The following P4HA1 variants were observed in gnomAD, a reference collection of about 807,000 sequenced individuals.
P4HA1 encodes prolyl 4-hydroxylase subunit alpha-1.
In P4HA1, 24 loss-of-function variants were observed where a neutral mutation model predicts 72.8. The observed-to-expected ratio is 0.33, with a 90% CI of 0.24 to 0.46. The LOEUF (loss-of-function observed/expected upper bound fraction) is 0.46, where lower values mean the gene tolerates loss of function less well. Ranked by LOEUF, P4HA1 falls within the 20% of genes least tolerant of loss-of-function variation. P4HA1 has a pLI of 1.00. For synonymous variants in P4HA1, 201 were observed against 218.8 expected (o/e 0.92, Z 0.72); for missense variants, 446 against 640.6 (o/e 0.70, Z 3.28).
intron 5 of P4HA1, among the ~76,000 whole-genome samples, chr10:73,055,536 C>T (rs1841121655): frequency 6.6e-6 from 1 of 152,102 alleles, no homozygotes; most frequent in Admixed American, 6.6e-5. Flanking sequence ...ATATTTTTCC[C>T]ATTCTGTGTG....
At chr10:73,031,147 C>T (rs552325738) in intron 9 of P4HA1, among the ~76,000 whole-genome samples, 24 of 152,028 alleles carry the variant, frequency 1.6e-4, no homozygotes, top group South Asian at 4.1e-4. Context: ...ATACATAAAA[C>T]GTGATAGATC....
intron 10 of P4HA1, among the ~76,000 whole-genome samples, chr10:73,017,488 A>T (rs894853166): frequency 6.6e-6 from 1 of 152,080 alleles, no homozygotes; most frequent in African/African-American, 2.4e-5. Flanking sequence ...GCTAATTTTT[A>T]AAAATTTAAT....
intron 10 of P4HA1, among the ~76,000 whole-genome samples, chr10:73,026,208 C>G (rs1474962483): frequency 6.6e-6 from 1 of 152,170 alleles, no homozygotes; most frequent in Non-Finnish European, 1.5e-5. Context: ...TCAAACTATA[C>G]TACAAGGCTA....
chr10:73,081,624 G>A (rs1319926382), intron 1 of P4HA1, among the ~76,000 whole-genome samples: 1 of 152,128 alleles, frequency 6.6e-6, no homozygotes, highest in Non-Finnish European at 1.5e-5. Context: ...TCAAACCTGG[G>A]AACAGATCTT....
chr10:73,053,882 C>G (rs1324648083), intron 5 of P4HA1, among the ~76,000 whole-genome samples: 1 of 151,986 alleles, frequency 6.6e-6, no homozygotes, highest in East Asian at 1.9e-4. Context: ...TATACTATTT[C>G]CTAACAGTAG....
chr10:73,021,555 T>A (rs1044100406), intron 10 of P4HA1, among the ~76,000 whole-genome samples: 1 of 152,176 alleles, frequency 6.6e-6, no homozygotes, highest in Non-Finnish European at 1.5e-5. Context: ...AAGCCCAGCA[T>A]AGACAAATAT....
chr10:73,028,539 C>G (rs1389558687), intron 10 of P4HA1, among the ~76,000 whole-genome samples: 1 of 152,108 alleles, frequency 6.6e-6, no homozygotes, highest in African/African-American at 2.4e-5. Flanking sequence ...TCAAGCAATT[C>G]TCCTACCTCA....
At chr10:73,032,773 C>T (rs867488709) in intron 9 of P4HA1, among the ~76,000 whole-genome samples, 2 of 152,160 alleles carry the variant, frequency 1.3e-5, no homozygotes, top group South Asian at 2.1e-4. Flanking sequence ...AGGAAGCGAG[C>T]AAGCGTAAGA....
intron 9 of P4HA1, among the ~76,000 whole-genome samples, chr10:73,036,458 G>A (rs1320670460): frequency 6.6e-6 from 1 of 151,790 alleles, no homozygotes; most frequent in African/African-American, 2.4e-5. Context: ...GTGCAATGAC[G>A]CTATCTCGAC....
chr10:73,066,527 T>C (rs1472536105), intron 5 of P4HA1, among the ~76,000 whole-genome samples: 1 of 152,174 alleles, frequency 6.6e-6, no homozygotes, highest in Non-Finnish European at 1.5e-5. Flanking sequence ...TTTTGCTTTT[T>C]GTTTTTTGAG....
chr10:73,069,095 G>A, intron 4 of P4HA1, 112 bp from the exon 5 acceptor site: 1 of 787,410 alleles, frequency 1.3e-6, no homozygotes. Context: ...ACCACACCAT[G>A]AAAAGTTCTA....
rs2133096641 is a variant in P4HA1 at position 73,050,998 on chromosome 10, TACAA to T, written c.900+51_900+54del. On this transcript the variant is annotated intron_variant, in intron 7 of 14. Transcript: ENST00000394890. ...ATAACTGATTCTCTCCAGAACTGTG[TACAA>T]ACACATACACACACACATTCACATA... 2.4e-6 allele frequency: 3 copies of T among 1,248,874 alleles called. No homozygotes were observed. In the East Asian group the frequency reaches 7.0e-5, roughly 29 times the overall value. The allele number at this position is 1,248,874 out of a possible 1,614,324, so 77.4% of individuals were successfully genotyped here. A position where few individuals can be genotyped will look rare whatever the true frequency, so the allele number is the denominator to read the frequency against.
intron 9 of P4HA1, among the ~76,000 whole-genome samples, chr10:73,031,065 T>C (rs1305027928): frequency 1.8e-5 from 2 of 110,224 alleles, no homozygotes; most frequent in Non-Finnish European, 3.4e-5. Flanking sequence ...TTGTACAGAA[T>C]TTTTTATGGC....
intron 9 of P4HA1, among the ~76,000 whole-genome samples, chr10:73,030,871 T>C (rs939531118): frequency 1.3e-5 from 2 of 152,000 alleles, no homozygotes; most frequent in Non-Finnish European, 2.9e-5. Context: ...CAATAACAGG[T>C]GTTGGTAAGG....
chr10:73,008,933 C>T (rs1277695435), intron 14 of P4HA1, among the ~76,000 whole-genome samples: 1 of 151,980 alleles, frequency 6.6e-6, no homozygotes, highest in African/African-American at 2.4e-5. Context: ...ACACTTTATT[C>T]ATCAAACCCT....
intron 10 of P4HA1, among the ~76,000 whole-genome samples, chr10:73,024,553 C>T (rs866406635): frequency 2.6e-5 from 4 of 151,968 alleles, no homozygotes; most frequent in African/African-American, 7.2e-5. Context: ...GACCTAAAAT[C>T]GACACCCTAA....
At chr10:73,012,045 G>A (rs1012990440) in intron 12 of P4HA1, among the ~76,000 whole-genome samples, 2 of 152,122 alleles carry the variant, frequency 1.3e-5, no homozygotes, top group Non-Finnish European at 2.9e-5. Flanking sequence ...GCCCCTCTGG[G>A]AATGGTATTT....
intron 13 of P4HA1, 33 bp downstream of exon 13, chr10:73,010,936 T>C: frequency 6.4e-7 from 1 of 1,551,616 alleles, no homozygotes; most frequent in Non-Finnish European, 8.9e-7. Context: ...AGGGAAAAAA[T>C]TAATAAACCA....
At chr10:73,058,090 GAAAAAAAAAAAAAA>G (rs869244017) in intron 5 of P4HA1, among the ~76,000 whole-genome samples, 6 of 23,060 alleles carry the variant, frequency 2.6e-4, no homozygotes, top group Non-Finnish European at 3.1e-4. Flanking sequence ...ACTCCGTCCA[GAAAAAAAAAAAAAA>G]AAAAAAAAAA....
Sources: gnomAD v4.1 joint callset for allele counts (sites outside exome capture counted in the v4.1 genomes callset) on GRCh38, gnomAD v4.1.1 for gene constraint, MANE v1.5 for transcripts, NCBI Gene and HGNC (gene_info 2026-07-23, HGNC 2026-07-21) for gene names.